GAS6: variants seen among roughly 807,000 people sequenced by gnomAD.
GAS6 encodes the protein growth arrest-specific protein 6.
GAS6 carries 41 observed loss-of-function variants against 75.8 expected under a neutral mutation model. The ratio of observed to expected loss-of-function variants is 0.54; its 90% CI spans 0.42 to 0.70. GAS6 has a LOEUF of 0.70. Among genes scored for constraint, GAS6 ranks in the 30% least tolerant of loss-of-function variants. The pLI, the probability that GAS6 is intolerant of heterozygous loss-of-function variation, is 0.00. For missense variants in GAS6, 854 were observed against 940.2 expected, an observed-to-expected ratio of 0.91 and a Z score of 1.20; for synonymous variants, 432 against 412.6, an observed-to-expected ratio of 1.05 and a Z score of -0.57.
chr13:113,835,670 A>G (rs112408420), intron 6 of GAS6, 35 bp from the exon 7 acceptor site: 1 of 1,605,392 alleles, frequency 6.2e-7, no homozygotes, highest in Non-Finnish European at 8.5e-7. Flanking sequence ...ACCGCAGCAC[A>G]GCGGCATCTC....
chr13:113,864,027 A>C lies in GAS6; in HGVS notation c.-107T>G. The C allele has an allele frequency of 1.0e-6, 1 of 1,003,184 alleles. No homozygotes were observed. The highest frequency in any genetic ancestry group is 1.2e-6 in the Non-Finnish European group (1 of 842,718). The allele number at this position is 1,003,184 out of a possible 1,614,324, so 62.1% of individuals were successfully genotyped here. On this transcript the variant is annotated 5_prime_UTR_variant, in exon 1 of 15. The change abolishes an upstream ATG in the 5' untranslated region. Coordinates refer to ENST00000327773, the MANE Select transcript of GAS6 (RefSeq NM_000820.4). ...CCGTCCTGGCGGCCCTGAAGGTCACATCGCGGCGGCGGCGGCGGCGGCGGC... is the reference window on the plus strand; with the variant it reads ...CCGTCCTGGCGGCCCTGAAGGTCACCTCGCGGCGGCGGCGGCGGCGGCGGC...
At chr13:113,852,682 C>T (rs938809894) in intron 2 of GAS6, among the ~76,000 whole-genome samples, 1 of 152,178 alleles carries the variant, frequency 6.6e-6, no homozygotes, top group Non-Finnish European at 1.5e-5. Context: ...CTGCCCTGCC[C>T]ACCACCAGAC....
chr13:113,863,816 G>C lies in GAS6; in HGVS notation c.88+17C>G. On this transcript the variant is annotated intron_variant, in intron 1 of 14. Transcript: ENST00000327773. The surrounding 1 kb of genome is among the most constrained non-coding windows in gnomAD (Gnocchi z 9.4). ...TCCCGCCGCCCGGGGACGGGGTCTC[G>C]GGCCCGCGGGACTCACCAAGCGCGC... 7.3e-7 allele frequency: 1 copy of C among 1,376,338 alleles called. No individual in the cohort carries two copies. Among genetic ancestry groups the C allele is most frequent in the Non-Finnish European group, 9.3e-7 (1 of 1,077,058 alleles). 85.3% of individuals were successfully genotyped at this position (1,376,338 alleles called of 1,614,324 possible). A position where few individuals can be genotyped will look rare whatever the true frequency, so the allele number is the denominator to read the frequency against.
In GAS6 at chr13:113,820,566, A is replaced by G; in HGVS notation, c.*298T>C. 1 of 390,954 alleles carries G rather than the reference A, an allele frequency of 2.6e-6. No individual in the cohort carries two copies. The highest frequency in any genetic ancestry group is 4.6e-6 in the Non-Finnish European group (1 of 216,724). The allele number at this position is 390,954 out of a possible 1,614,324, so 24.2% of individuals were successfully genotyped here. A position where few individuals can be genotyped will look rare whatever the true frequency, so the allele number is the denominator to read the frequency against. On this transcript the variant is annotated 3_prime_UTR_variant, in exon 15 of 15. Coordinates refer to ENST00000327773, the MANE Select transcript of GAS6 (RefSeq NM_000820.4). ...ACGCGGTGTTACAAAGCTTTCTGTA[A>G]ATATTTTATTTTCCATATTTTAGAG...
Position 113,823,435 on chromosome 13 carries a change from A to C in GAS6, c.1593T>G (p.Arg531=), listed in dbSNP as rs2051487365. ...CCAGTGCCACAGAGAGAGGCACGGC[A>C]CGGAGGTCGGGGGCCCAGAGCGCAA... The part of the protein sequence containing the change: ...VLFALWAPDL[R]AVPLSVALVD... The change falls in exon 13 of 15, where the codon CGT becomes CGG. Residue 531 remains arginine, a synonymous_variant. Transcript: ENST00000327773. The C allele has an allele frequency of 6.2e-7, 1 of 1,612,794 alleles. No homozygotes were observed. Among genetic ancestry groups the C allele is most frequent in the East Asian group, 2.2e-5 (1 of 44,878 alleles).
intron 2 of GAS6, among the ~76,000 whole-genome samples, chr13:113,852,112 T>C (rs1214753179): frequency 1.3e-5 from 2 of 152,246 alleles, no homozygotes; most frequent in Admixed American, 6.5e-5. Context: ...GGCGCAACTG[T>C]GAGTGGCCCA....
rs1417325815 is a variant in GAS6, at chr13:113,837,580, C to T, written c.589+489G>A. 6.6e-6 allele frequency among the ~76,000 whole-genome samples: 1 copy of T among 152,180 alleles called. No individual in the cohort carries two copies. Among genetic ancestry groups the T allele is most frequent in the East Asian group, 1.9e-4 (1 of 5,190 alleles). ...TCTGGGGTGTCCTGGGGCTCCCCAGCTCTGGCCCTGGGCTGAGGGAACCCC... is the reference window on the plus strand; with the variant it reads ...TCTGGGGTGTCCTGGGGCTCCCCAGTTCTGGCCCTGGGCTGAGGGAACCCC... On this transcript the variant is annotated intron_variant, in intron 6 of 14. Coordinates refer to ENST00000327773, the MANE Select transcript of GAS6 (RefSeq NM_000820.4). This position sits in a 1 kb window ranked among gnomAD's most constrained non-coding sequence, Gnocchi z 5.1.
intron 2 of GAS6, among the ~76,000 whole-genome samples, chr13:113,858,164 C>A (rs1378838532): frequency 1.3e-5 from 2 of 152,220 alleles, no homozygotes; most frequent in African/African-American, 4.8e-5. Flanking sequence ...GGTCTTCTGA[C>A]CCCAAAGTTG....
At chr13:113,858,879 A>AC (rs1566376268) in intron 2 of GAS6, among the ~76,000 whole-genome samples, 13 of 135,338 alleles carry the variant, frequency 9.6e-5, no homozygotes, top group African/African-American at 2.3e-4. Flanking sequence ...GTACATGACT[A>AC]TGTAAGTCTA....
intron 2 of GAS6, among the ~76,000 whole-genome samples, chr13:113,857,683 A>T (rs1472847021): frequency 6.6e-6 from 1 of 152,252 alleles, no homozygotes; most frequent in Non-Finnish European, 1.5e-5. Context: ...CTCAAGAAAG[A>T]AGCCATAAGC....
intron 4 of GAS6, 171 bp from the exon 5 acceptor site, chr13:113,840,021 T>C (rs988038435): frequency 1.1e-5 from 10 of 902,826 alleles, no homozygotes; most frequent in Admixed American, 5.1e-5. Flanking sequence ...GGCCTAGGGC[T>C]GACAGAATAG....
At position 113,835,505 on chromosome 13, in the gene GAS6, G is replaced by C; in HGVS notation, c.712+8C>G. 1 of 1,612,130 alleles carries C rather than the reference G, an allele frequency of 6.2e-7. No homozygotes were observed. The highest frequency in any genetic ancestry group is 8.5e-7 in the Non-Finnish European group (1 of 1,179,520). On this transcript the variant is annotated splice_region_variant and intron_variant, in intron 7 of 14. Transcript: ENST00000327773. Reference sequence around the variant, plus strand: ...GAGAAAGCGAGGGTGACCGCGTGGCGTGGGTACCTCGGCAAGCCTTCTCCT... The same window carrying C: ...GAGAAAGCGAGGGTGACCGCGTGGCCTGGGTACCTCGGCAAGCCTTCTCCT...
intron 7 of GAS6, 92 bp from the exon 8 acceptor site, chr13:113,834,764 G>A (rs1021974051): frequency 1.6e-6 from 2 of 1,287,166 alleles, no homozygotes; most frequent in African/African-American, 1.5e-5. Context: ...CCACACGCAA[G>A]GTGCGCTCAA....
Position 113,821,946 on chromosome 13 carries a change from G to A in GAS6, c.1882+12C>T. The A allele has an allele frequency of 6.6e-7, 1 of 1,521,232 alleles. No individual in the cohort carries two copies. Among genetic ancestry groups the A allele is most frequent in the Non-Finnish European group, 8.8e-7 (1 of 1,136,174 alleles). 94.2% of individuals were successfully genotyped at this position (1,521,232 alleles called of 1,614,324 possible). A position where few individuals can be genotyped will look rare whatever the true frequency, so the allele number is the denominator to read the frequency against. On this transcript the variant is annotated intron_variant, in intron 14 of 14. Transcript: ENST00000327773. ...CTCTTCACCCGGGTTGAGCGGAGCA[G>A]GGAGCACCTACCTGGCAGGCCGCCA...
chr13:113,823,058 T>A lies in GAS6; in HGVS notation c.1653+317A>T, dbSNP rs115157265. 1,208 of 273,510 alleles carry A rather than the reference T, an allele frequency of 4.4e-3. 16 individuals carry two copies. Among genetic ancestry groups the A allele is most frequent in the African/African-American group, 0.025 (1,132 of 45,934 alleles). 16.9% of individuals were successfully genotyped at this position (273,510 alleles called of 1,614,324 possible). On this transcript the variant is annotated intron_variant, in intron 13 of 14. Coordinates refer to ENST00000327773, the MANE Select transcript of GAS6 (RefSeq NM_000820.4). ...AGTTTGTTGCTGAAATCATCTGACT[T>A]AAACACCAGAGACTAATTCAGATTG...
At chr13:113,827,659 C>G (rs918129854) in intron 11 of GAS6, among the ~76,000 whole-genome samples, 3 of 152,040 alleles carry the variant, frequency 2.0e-5, no homozygotes, top group South Asian at 2.1e-4. Context: ...GCAGGTGCCC[C>G]TCACAACACT....
Position 113,863,536 on chromosome 13 carries a change from G to A in GAS6, c.255+39C>T. On this transcript the variant is annotated intron_variant, in intron 2 of 14. Coordinates refer to ENST00000327773, the MANE Select transcript of GAS6 (RefSeq NM_000820.4). This position sits in a 1 kb window ranked among gnomAD's most constrained non-coding sequence, Gnocchi z 9.4. Reference sequence around the variant, plus strand: ...CGGGAGCGGTTGGAGGCGCGCGGGCGCCAGGGGTTCCCCCGCATCCCGCCC... The same window carrying A: ...CGGGAGCGGTTGGAGGCGCGCGGGCACCAGGGGTTCCCCCGCATCCCGCCC... 1 of 1,485,582 alleles carries A rather than the reference G, an allele frequency of 6.7e-7. No individual in the cohort carries two copies. 92.0% of individuals were successfully genotyped at this position (1,485,582 alleles called of 1,614,324 possible).
chr13:113,822,596 C>T (rs2051475914), intron 13 of GAS6: 1 of 177,664 alleles, frequency 5.6e-6, no homozygotes, highest in African/African-American at 2.4e-5. Context: ...GGCACCACAG[C>T]CCAGCAGCCC....
At position 113,844,691 on chromosome 13, in the gene GAS6, G is replaced by A. The variant is rs570063273; in HGVS notation, c.343+1836C>T. Reference sequence around the variant, plus strand: ...AGGAGGGCATAGGAGACCCACCCGCGTGCATGAGGCCGAGTCTAAAGCTGT... The same window carrying A: ...AGGAGGGCATAGGAGACCCACCCGCATGCATGAGGCCGAGTCTAAAGCTGT... On this transcript the variant is annotated intron_variant, in intron 4 of 14. Transcript: ENST00000327773. The surrounding 1 kb of genome is among the most constrained non-coding windows in gnomAD (Gnocchi z 5.7). The A allele has an allele frequency of 3.3e-5, 5 of 150,718 alleles. No homozygotes were observed. Among genetic ancestry groups the A allele is most frequent in the African/African-American group, 5.0e-5 (2 of 40,140 alleles). 9.3% of individuals were successfully genotyped at this position (150,718 alleles called of 1,614,324 possible).
Sources: allele counts gnomAD v4.1 joint callset (sites outside exome capture counted in the v4.1 genomes callset), GRCh38; gene constraint gnomAD v4.1.1; non-coding constraint Gnocchi (gnomAD v3.1); transcripts MANE v1.5; gene names NCBI Gene and HGNC (gene_info 2026-07-23, HGNC 2026-07-21).